Variants in ZNF521 observed in about 807,000 individuals in gnomAD.
ZNF521 encodes LYST-interacting protein 3.
Under a neutral mutation model 105.5 loss-of-function variants are expected in ZNF521, and 14 were observed. That is an observed-to-expected ratio of 0.13 (90% CI 0.09 to 0.21). The LOEUF is 0.21. Among genes scored for constraint, ZNF521 ranks in the 10% least tolerant of loss-of-function variants. The probability of loss-of-function intolerance (pLI) is 1.00; values close to 1 mark genes in which losing one functional copy is unlikely to be tolerated. For missense variants in ZNF521, 1,233 were observed against 1,629.7 expected, an observed-to-expected ratio of 0.76 and a Z score of 4.19; for synonymous variants, 635 against 606.0, an observed-to-expected ratio of 1.05 and a Z score of -0.70.
At chr18:25,166,484 A>G (rs1423856117) in intron 5 of ZNF521, among the ~76,000 whole-genome samples, 2 of 152,192 alleles carry the variant, frequency 1.3e-5, no homozygotes, top group Non-Finnish European at 2.9e-5. Flanking sequence ...TTATGCCTGC[A>G]CATTAAAAAG....
intron 7 of ZNF521, among the ~76,000 whole-genome samples, chr18:25,081,869 A>G (rs1283120263): frequency 3.9e-5 from 6 of 152,226 alleles, no homozygotes; most frequent in Non-Finnish European, 8.8e-5. Flanking sequence ...CGGAGAGAGA[A>G]TAACAAACTG....
intron 5 of ZNF521, among the ~76,000 whole-genome samples, chr18:25,132,892 T>C (rs1434672114): frequency 6.6e-6 from 1 of 152,160 alleles, no homozygotes; most frequent in Admixed American, 6.6e-5. Flanking sequence ...TCTGGAAACA[T>C]ACAGATGCCA....
intron 3 of ZNF521, among the ~76,000 whole-genome samples, chr18:25,303,271 CGTGTGTGTGTGTGTGT>C (rs756904913): frequency 7.5e-6 from 1 of 132,612 alleles, no homozygotes; most frequent in Admixed American, 7.7e-5. Context: ...TTCTTTCTTT[CGTGTGTGTGTGTGTGT>C]GTGTGTGTGT....
intron 6 of ZNF521, among the ~76,000 whole-genome samples, chr18:25,090,860 T>C (rs1054651341): frequency 7.2e-5 from 11 of 152,302 alleles, no homozygotes; most frequent in African/African-American, 2.4e-4. Context: ...ATACTACTGA[T>C]GGTAAACCAT....
chr18:25,236,586 G>C (rs1906914028), intron 3 of ZNF521, among the ~76,000 whole-genome samples: 1 of 151,760 alleles, frequency 6.6e-6, no homozygotes, highest in Non-Finnish European at 1.5e-5. Context: ...GGACTATCTT[G>C]AGACTTCATG....
chr18:25,286,861 G>C (rs2145011678), intron 3 of ZNF521, among the ~76,000 whole-genome samples: 1 of 152,274 alleles, frequency 6.6e-6, no homozygotes. Flanking sequence ...AAGATCCTCG[G>C]ACTCCCTGGA....
chr18:25,180,150 T>G (rs547752142), intron 5 of ZNF521, among the ~76,000 whole-genome samples: 122 of 152,310 alleles, frequency 8.0e-4, no homozygotes, highest in African/African-American at 2.7e-3. Context: ...CTTGGAAGAT[T>G]ATAATTTTTT....
rs547636727 is a variant in ZNF521 at position 25,074,136 on chromosome 18, G to A, written c.3907-11395C>T. Among the ~76,000 whole-genome samples, 184 of 152,274 alleles carry A rather than the reference G, an allele frequency of 1.2e-3. 1 individual carries two copies. The highest frequency in any genetic ancestry group is 4.3e-3 in the African/African-American group (177 of 41,572). ...CGCATGTCCATTTCCACGCCTAAGC[G>A]AGTGTTGCGCAGGGCAAAAAAAAAG... On this transcript the variant is annotated intron_variant, in intron 7 of 7. Transcript: ENST00000361524.
At chr18:25,318,725 T>G (rs1912772707) in intron 3 of ZNF521, among the ~76,000 whole-genome samples, 1 of 152,144 alleles carries the variant, frequency 6.6e-6, no homozygotes, top group Non-Finnish European at 1.5e-5. Flanking sequence ...ATATGGTTTT[T>G]ATTGGATAGA....
At chr18:25,133,358 T>A (rs920280047) in intron 5 of ZNF521, among the ~76,000 whole-genome samples, 1 of 152,178 alleles carries the variant, frequency 6.6e-6, no homozygotes, top group African/African-American at 2.4e-5. Context: ...AGTGGACAAA[T>A]GAGCAGGTTT....
rs544465685 is a variant in ZNF521, at chr18:25,269,214, G to A, written c.221-41517C>T. Reference sequence around the variant, plus strand: ...AGAAGGGCATTACATAATCGTAAAGGAATCAATGCAACAAGAAGAGCTAAC... The same window carrying A: ...AGAAGGGCATTACATAATCGTAAAGAAATCAATGCAACAAGAAGAGCTAAC... On this transcript the variant is annotated intron_variant, in intron 3 of 7. Coordinates refer to ENST00000361524, the MANE Select transcript of ZNF521 (RefSeq NM_015461.3). Among the ~76,000 whole-genome samples the A allele has an allele frequency of 9.9e-4, 151 of 151,990 alleles. 3 individuals are homozygous for A. The South Asian group carries it at 0.03, about 30-fold the overall frequency.
At chr18:25,244,441 C>G (rs1251717611) in intron 3 of ZNF521, among the ~76,000 whole-genome samples, 1 of 152,184 alleles carries the variant, frequency 6.6e-6, no homozygotes, top group Non-Finnish European at 1.5e-5. Flanking sequence ...ACTCTGACCA[C>G]TAAAACTTCA....
rs117029869 is a variant in ZNF521, at chr18:25,283,535, C to G, written c.220+38473G>C. 2.8e-4 allele frequency among the ~76,000 whole-genome samples: 42 copies of G among 152,314 alleles called. 1 individual carries two copies. The East Asian group carries it at 7.5e-3, about 27-fold the overall frequency. Reference sequence around the variant, plus strand: ...CATTAGTTTAAAAACACCAACTATACCCCCTCCAAGTTTATGTGTCTGCAT... The same window carrying G: ...CATTAGTTTAAAAACACCAACTATAGCCCCTCCAAGTTTATGTGTCTGCAT... On this transcript the variant is annotated intron_variant, in intron 3 of 7. Transcript: ENST00000361524.
intron 5 of ZNF521, among the ~76,000 whole-genome samples, chr18:25,167,721 T>C (rs1283310559): frequency 6.6e-6 from 1 of 152,158 alleles, no homozygotes; most frequent in Non-Finnish European, 1.5e-5. Context: ...AAATTTATGA[T>C]ACAAACTGGA....
intron 5 of ZNF521, among the ~76,000 whole-genome samples, chr18:25,185,543 A>C (rs1010894309): frequency 3.3e-5 from 5 of 152,164 alleles, no homozygotes; most frequent in Non-Finnish European, 2.9e-5. Flanking sequence ...CCCAAGGTGT[A>C]GTTGTCATCC....
intron 3 of ZNF521, among the ~76,000 whole-genome samples, chr18:25,243,890 C>T (rs1022123205): frequency 2.6e-5 from 4 of 152,014 alleles, no homozygotes; most frequent in Non-Finnish European, 5.9e-5. Context: ...TTTCTCAATA[C>T]CAAAATACTT....
At chr18:25,304,879 G>C (rs1911881604) in intron 3 of ZNF521, among the ~76,000 whole-genome samples, 1 of 152,190 alleles carries the variant, frequency 6.6e-6, no homozygotes. Flanking sequence ...TACTGTACAT[G>C]TGTTTACGCT....
intron 5 of ZNF521, among the ~76,000 whole-genome samples, chr18:25,094,894 T>C (rs1296763352): frequency 6.6e-6 from 1 of 152,114 alleles, no homozygotes; most frequent in Non-Finnish European, 1.5e-5. Context: ...GTTAATATAA[T>C]TCATTTTGTA....
chr18:25,211,955 C>T (rs1031557439), intron 4 of ZNF521, among the ~76,000 whole-genome samples: 15 of 152,034 alleles, frequency 9.9e-5, no homozygotes, highest in African/African-American at 3.6e-4. Flanking sequence ...TCCATTTCCC[C>T]ACTAATGTGC....
Sources: allele counts gnomAD v4.1 joint callset (sites outside exome capture counted in the v4.1 genomes callset), GRCh38; gene constraint gnomAD v4.1.1; transcripts MANE v1.5; gene names NCBI Gene and HGNC (gene_info 2026-07-23, HGNC 2026-07-21).